MCPH1: variants seen among roughly 807,000 people sequenced by gnomAD.
The protein encoded by MCPH1 is microcephalin.
Under a neutral mutation model 84.5 loss-of-function variants are expected in MCPH1, and 104 were observed. The ratio of observed to expected loss-of-function variants is 1.23; its 90% CI spans 1.05 to 1.45. MCPH1 has a LOEUF of 1.45. Ranked by LOEUF, MCPH1 falls within the 40% of genes most tolerant of loss-of-function variation. MCPH1 has a pLI of 0.00. For missense variants in MCPH1, 1,498 were observed against 1,005.7 expected, an observed-to-expected ratio of 1.49 and a Z score of -6.62; for synonymous variants, 514 against 366.8, an observed-to-expected ratio of 1.40 and a Z score of -4.58.
chr8:6,440,611 T>C (rs1301879938), intron 6 of MCPH1, among the ~76,000 whole-genome samples: 1 of 152,226 alleles, frequency 6.6e-6, no homozygotes, highest in Non-Finnish European at 1.5e-5. Context: ...CCTTTCTCCA[T>C]ACTTGGAAAA....
chr8:6,422,021 G>C (rs901918919), intron 3 of MCPH1, among the ~76,000 whole-genome samples: 6 of 152,196 alleles, frequency 3.9e-5, no homozygotes, highest in African/African-American at 1.4e-4. Flanking sequence ...TCTGTCCCCA[G>C]TTCACAGTTC....
chr8:6,621,471 C>G lies in MCPH1; in HGVS notation c.2232C>G (p.Cys744Trp). 6.2e-7 allele frequency: 1 copy of G among 1,614,032 alleles called. No homozygotes were observed. Among genetic ancestry groups the G allele is most frequent in the South Asian group, 1.1e-5 (1 of 91,078 alleles). The change falls in exon 13 of 14, where the codon TGC becomes TGG. Residue 744 changes from cysteine (C) to tryptophan (W), a missense_variant. Coordinates refer to ENST00000344683, the MANE Select transcript of MCPH1 (RefSeq NM_024596.5). ...CCCCACAGCTGTGCCGAAGCGAGTGCCACTTGTCTGCAGGGCCGTACCGCG... is the reference window on the plus strand; with the variant it reads ...CCCCACAGCTGTGCCGAAGCGAGTGGCACTTGTCTGCAGGGCCGTACCGCG... The part of the protein sequence containing the change: ...FPAAPLCRSE[C>W]HLSAGPYRGT...
chr8:6,598,711 T>C (rs1461980938), intron 12 of MCPH1, among the ~76,000 whole-genome samples: 3 of 152,214 alleles, frequency 2.0e-5, no homozygotes, highest in African/African-American at 4.8e-5. Flanking sequence ...GCCATGGCCC[T>C]GTGTGGGTGA....
At chr8:6,422,098 T>A (rs1254794164) in intron 3 of MCPH1, among the ~76,000 whole-genome samples, 1 of 152,258 alleles carries the variant, frequency 6.6e-6, no homozygotes, top group Non-Finnish European at 1.5e-5. Flanking sequence ...ACTTATTTTG[T>A]TCATTTGACT....
intron 11 of MCPH1, among the ~76,000 whole-genome samples, chr8:6,493,014 G>C (rs1449975580): frequency 6.6e-6 from 1 of 152,134 alleles, no homozygotes; most frequent in African/African-American, 2.4e-5. Context: ...TTGGTTTATT[G>C]TCTGTGTTGG....
intron 12 of MCPH1, among the ~76,000 whole-genome samples, chr8:6,587,685 G>A (rs1828106777): frequency 6.6e-6 from 1 of 152,216 alleles, no homozygotes; most frequent in Non-Finnish European, 1.5e-5. Context: ...TGATAAGGTT[G>A]CAGCCTCATG....
intron 2 of MCPH1, 38 bp from the exon 3 acceptor site, chr8:6,414,727 C>T (rs1232579379): frequency 1.3e-5 from 21 of 1,607,398 alleles, no homozygotes; most frequent in East Asian, 2.2e-5. Context: ...TGTGAATGAA[C>T]AGTAATGTAC....
chr8:6,605,568 A>T (rs532239110), intron 12 of MCPH1, among the ~76,000 whole-genome samples: 1 of 152,366 alleles, frequency 6.6e-6, no homozygotes, highest in South Asian at 2.1e-4. Context: ...GAGTAGCCAG[A>T]CCACATAGTA....
chr8:6,603,391 C>A (rs2515545), intron 12 of MCPH1, among the ~76,000 whole-genome samples: 136,985 of 152,168 alleles, frequency 0.9, 63,504 homozygotes, highest in East Asian at 1. Flanking sequence ...GGTGTTATTA[C>A]TTCAATGTGT....
intron 12 of MCPH1, among the ~76,000 whole-genome samples, chr8:6,546,097 T>A (rs899486801): frequency 1.3e-5 from 2 of 152,236 alleles, no homozygotes; most frequent in Non-Finnish European, 2.9e-5. Context: ...CTTTCTAACA[T>A]CACATTTCTG....
At chr8:6,489,544 GAA>G (rs1408528956) in intron 11 of MCPH1, among the ~76,000 whole-genome samples, 1 of 152,192 alleles carries the variant, frequency 6.6e-6, no homozygotes, top group African/African-American at 2.4e-5. Context: ...TAAGACAGTT[GAA>G]GAGTCAATGG....
chr8:6,471,076 T>C (rs541801903), intron 9 of MCPH1, among the ~76,000 whole-genome samples: 2 of 152,278 alleles, frequency 1.3e-5, no homozygotes, highest in African/African-American at 4.8e-5. Context: ...TTTGGGGGAA[T>C]GCCTTTTTTG....
rs961067970 is a variant in MCPH1 at position 6,645,214 on chromosome 8, G to C, written c.*2165G>C. On this transcript the variant is annotated 3_prime_UTR_variant, in exon 14 of 14. Transcript: ENST00000344683. ...CCCAGGCCTCAGTCCCCAGTGTTAA[G>C]TTCTGATCCCTGATGCTGGCCTGCC... The C allele has an allele frequency of 6.6e-6, 1 of 152,390 alleles. No individual in the cohort carries two copies. The allele number at this position is 152,390 out of a possible 1,614,324, so 9.4% of individuals were successfully genotyped here.
At chr8:6,451,623 A>G (rs1805093311) in intron 8 of MCPH1, among the ~76,000 whole-genome samples, 1 of 152,212 alleles carries the variant, frequency 6.6e-6, no homozygotes, top group Admixed American at 6.5e-5. Context: ...ATGAATATGA[A>G]TACAGTCTCG....
chr8:6,509,473 C>CG (rs1022192621), intron 12 of MCPH1, among the ~76,000 whole-genome samples: 84 of 152,126 alleles, frequency 5.5e-4, no homozygotes, highest in Admixed American at 3.9e-4. Context: ...CAGGGGGCCC[C>CG]GGGGGGGATG....
chr8:6,409,485 T>A, intron 2 of MCPH1, 115 bp downstream of exon 2: 1 of 823,240 alleles, frequency 1.2e-6, no homozygotes, highest in Non-Finnish European at 2.0e-6. Flanking sequence ...AAGCAATGGG[T>A]AAGCGGTGGG....
intron 3 of MCPH1, among the ~76,000 whole-genome samples, chr8:6,427,629 C>T (rs143178595): frequency 7.4e-4 from 113 of 152,184 alleles, no homozygotes; most frequent in African/African-American, 2.7e-3. Flanking sequence ...GTCCTCCTAC[C>T]TCCGCCTCCC....
intron 12 of MCPH1, among the ~76,000 whole-genome samples, chr8:6,529,091 G>A (rs796176084): frequency 6.6e-6 from 1 of 152,186 alleles, no homozygotes; most frequent in African/African-American, 2.4e-5. Context: ...AGGCAGGGAA[G>A]GATGGCATAT....
At chr8:6,631,162 A>G (rs1797131319) in intron 13 of MCPH1, among the ~76,000 whole-genome samples, 1 of 152,230 alleles carries the variant, frequency 6.6e-6, no homozygotes, top group South Asian at 2.1e-4. Flanking sequence ...CCCTTCCTCA[A>G]GCTGCAGGGA....
Sources: gnomAD v4.1 joint callset for allele counts (sites outside exome capture counted in the v4.1 genomes callset) on GRCh38, gnomAD v4.1.1 for gene constraint, MANE v1.5 for transcripts, NCBI Gene and HGNC (gene_info 2026-07-23, HGNC 2026-07-21) for gene names.